FARP1: variants seen among roughly 807,000 people sequenced by gnomAD.
FARP1 encodes FERM, ARHGEF and pleckstrin domain-containing protein 1.
FARP1 carries 52 observed loss-of-function variants against 128.8 expected under a neutral mutation model. The ratio of observed to expected loss-of-function variants is 0.40; its 90% CI spans 0.32 to 0.51. The LOEUF (loss-of-function observed/expected upper bound fraction) is 0.51, where lower values mean the gene tolerates loss of function less well. FARP1 is among the 20% of genes least tolerant of loss of function. The pLI is 0.45. For missense variants in FARP1, 1,333 were observed against 1,367.9 expected (o/e 0.97, Z 0.40); for synonymous variants, 580 against 551.8 (o/e 1.05, Z -0.72).
chr13:98,324,955 C>T (rs1262677063), intron 2 of FARP1, among the ~76,000 whole-genome samples: 2 of 152,182 alleles, frequency 1.3e-5, no homozygotes, highest in South Asian at 2.1e-4. Flanking sequence ...TGTTTGTTGG[C>T]CATGCCTTAA....
intron 2 of FARP1, among the ~76,000 whole-genome samples, chr13:98,293,376 A>G (rs1190330330): frequency 6.6e-6 from 1 of 152,176 alleles, no homozygotes; most frequent in Admixed American, 6.5e-5. Context: ...CAGATGACCC[A>G]GCAGGCTCAG....
At chr13:98,160,034 C>T (rs1465729269) in intron 1 of FARP1, among the ~76,000 whole-genome samples, 1 of 152,190 alleles carries the variant, frequency 6.6e-6, no homozygotes, top group East Asian at 1.9e-4. Flanking sequence ...ACTTTAGCTT[C>T]ACCTTTGAAG....
chr13:98,429,687 G>A (rs1891937172), intron 17 of FARP1, among the ~76,000 whole-genome samples: 1 of 152,196 alleles, frequency 6.6e-6, no homozygotes, highest in East Asian at 1.9e-4. Context: ...GAGGAAGTGG[G>A]CATGTGTCTG....
At chr13:98,346,186 A>ATTTTTTTTTTTTT (rs10555277) in intron 3 of FARP1, among the ~76,000 whole-genome samples, 2 of 105,686 alleles carry the variant, frequency 1.9e-5, no homozygotes, top group Non-Finnish European at 3.7e-5. Flanking sequence ...ATTGCATATA[A>ATTTTTTTTTTTTT]TTTTTTTTTT....
At chr13:98,149,626 A>G (rs576124074) in intron 1 of FARP1, among the ~76,000 whole-genome samples, 1 of 102,102 alleles carries the variant, frequency 9.8e-6, no homozygotes, top group East Asian at 3.8e-4. Context: ...CTATGTAGTG[A>G]TATCTCACTG....
intron 2 of FARP1, among the ~76,000 whole-genome samples, chr13:98,229,604 G>A (rs541693353): frequency 5.9e-5 from 9 of 151,462 alleles, no homozygotes; most frequent in South Asian, 2.1e-4. Context: ...GGGCTCAAGC[G>A]GTCCTCCCAC....
At chr13:98,194,170 G>T (rs769376607) in intron 1 of FARP1, among the ~76,000 whole-genome samples, 1 of 151,912 alleles carries the variant, frequency 6.6e-6, no homozygotes, top group African/African-American at 2.4e-5. Flanking sequence ...AGGCTGGAGC[G>T]CAATGGCACA....
chr13:98,158,125 T>A (rs1489026534), intron 1 of FARP1, among the ~76,000 whole-genome samples: 1 of 152,270 alleles, frequency 6.6e-6, no homozygotes, highest in South Asian at 2.1e-4. Context: ...AAGTGGTTTT[T>A]ATTTTCTGCT....
intron 6 of FARP1, chr13:98,383,719 T>C (rs1279037359): frequency 1.3e-5 from 2 of 152,264 alleles, no homozygotes; most frequent in Non-Finnish European, 2.9e-5. Context: ...TTGGTGTACA[T>C]TGACCTTGAA....
Position 98,364,734 on chromosome 13 carries a change from C to T in FARP1, c.277-661C>T, listed in dbSNP as rs563161333. ...AGGTTTCTCTCTTCCTTGAAAAGTT[C>T]GCTATCCAGACTGTGTGCCAAGAAG... On this transcript the variant is annotated intron_variant, in intron 3 of 26. Transcript: ENST00000319562. 3.5e-4 allele frequency among the ~76,000 whole-genome samples: 53 copies of T among 152,292 alleles called. No individual in the cohort carries two copies. In the South Asian group the frequency reaches 6.4e-3, roughly 18 times the overall value.
intron 1 of FARP1, among the ~76,000 whole-genome samples, chr13:98,150,489 A>G (rs1051849730): frequency 6.6e-5 from 10 of 152,234 alleles, no homozygotes; most frequent in Non-Finnish European, 1.5e-4. Context: ...TCTACATAGT[A>G]TGAATATTTT....
At chr13:98,417,455 G>GAAAAAAAAAAAAAA (rs869304302) in intron 16 of FARP1, among the ~76,000 whole-genome samples, 2 of 58,452 alleles carry the variant, frequency 3.4e-5, no homozygotes, top group Non-Finnish European at 6.7e-5. Context: ...CCAGAGGTTT[G>GAAAAAAAAAAAAAA]AAAAAAAAAA....
intron 13 of FARP1, chr13:98,401,631 G>A (rs1385000548): frequency 6.6e-6 from 1 of 151,646 alleles, no homozygotes; most frequent in Non-Finnish European, 1.5e-5. Flanking sequence ...GTGTTTGGGA[G>A]GAGGGGAGAT....
chr13:98,277,109 T>TACACACACATACACACACAC (rs1884689270), intron 2 of FARP1, among the ~76,000 whole-genome samples: 1 of 118,142 alleles, frequency 8.5e-6, no homozygotes, highest in Non-Finnish European at 1.7e-5. Flanking sequence ...TCTAGAAAAA[T>TACACACACATACACACACAC]ACACACACAC....
At chr13:98,295,620 C>T (rs1474869670) in intron 2 of FARP1, among the ~76,000 whole-genome samples, 2 of 152,178 alleles carry the variant, frequency 1.3e-5, no homozygotes, top group African/African-American at 4.8e-5. Flanking sequence ...ACTTGCTGAT[C>T]TTGTTCCATA....
chr13:98,203,701 T>C (rs1284841890), intron 1 of FARP1: 1 of 152,226 alleles, frequency 6.6e-6, no homozygotes, highest in Non-Finnish European at 1.5e-5. Flanking sequence ...TTTTTGGCTG[T>C]GGACATCTGC....
intron 24 of FARP1, among the ~76,000 whole-genome samples, chr13:98,443,878 G>A (rs9513423): frequency 0.012 from 104 of 8,568 alleles, no homozygotes; most frequent in East Asian, 0.037. Flanking sequence ...AGACAGGACC[G>A]GAAGGAGGGA....
chr13:98,172,899 T>G (rs765480112), intron 1 of FARP1, among the ~76,000 whole-genome samples: 13 of 152,206 alleles, frequency 8.5e-5, no homozygotes, highest in Non-Finnish European at 1.8e-4. Context: ...GTTATTGTAC[T>G]GCACTGGCAA....
At position 98,336,456 on chromosome 13, in the gene FARP1, G is replaced by C. The variant is rs993056954; in HGVS notation, c.172-7306G>C. On this transcript the variant is annotated intron_variant, in intron 2 of 26. Transcript: ENST00000319562. ...AGATAATTTTTTTGTATTTTTAGTA[G>C]AGATGGGGTTTTGCCGTGTTGGCCA... 4.6e-5 allele frequency among the ~76,000 whole-genome samples: 7 copies of C among 152,296 alleles called. No individual in the cohort carries two copies. The East Asian group carries it at 1.4e-3, about 29-fold the overall frequency.
Sources: allele counts gnomAD v4.1 joint callset (sites outside exome capture counted in the v4.1 genomes callset), GRCh38; gene constraint gnomAD v4.1.1; transcripts MANE v1.5; gene names NCBI Gene and HGNC (gene_info 2026-07-23, HGNC 2026-07-21).